The following GPHN variants were observed in gnomAD, a reference collection of about 807,000 sequenced individuals.
GPHN encodes the protein gephyrin.
GPHN carries 17 observed loss-of-function variants against 95.5 expected under a neutral mutation model. That is an observed-to-expected ratio of 0.18 (90% CI 0.12 to 0.27). The LOEUF (loss-of-function observed/expected upper bound fraction) is 0.27. Among genes scored for constraint, GPHN ranks in the 10% least tolerant of loss-of-function variants. GPHN has a pLI of 1.00. For synonymous variants in GPHN, 320 were observed against 322.5 expected (o/e 0.99, Z 0.08); for missense variants, 660 against 978.1 (o/e 0.67, Z 4.34).
intron 2 of GPHN, among the ~76,000 whole-genome samples, chr14:66,773,737 T>C (rs1439152474): frequency 1.3e-5 from 2 of 152,080 alleles, no homozygotes; most frequent in African/African-American, 4.8e-5. Context: ...TAAGAGTTCT[T>C]TTTTTTGTTT....
At chr14:67,375,105 A>G in the GPHN span, among the ~76,000 whole-genome samples, 1 of 152,132 alleles carries the variant, frequency 6.6e-6, no homozygotes, top group Non-Finnish European at 1.5e-5. Flanking sequence ...TATTTTTGCT[A>G]TTACTTCCTG....
chr14:67,181,303 T>G lies in GPHN; in HGVS notation c.*366T>G. ...CTTATGCTCTTAAATCAAGGCTGTC[T>G]GCTTATTTATACTAGCGTAGGCAAC... On this transcript the variant is annotated 3_prime_UTR_variant, in exon 23 of 23. Transcript: ENST00000478722. 2.3e-6 allele frequency: 1 copy of G among 434,366 alleles called. No individual in the cohort carries two copies. The highest frequency in any genetic ancestry group is 4.1e-5 in the East Asian group (1 of 24,270). 26.9% of individuals were successfully genotyped at this position (434,366 alleles called of 1,614,324 possible). A position where few individuals can be genotyped will look rare whatever the true frequency, so the allele number is the denominator to read the frequency against.
In GPHN at chr14:67,089,011, T is replaced by C. The variant is rs147709250; in HGVS notation, c.1173T>C (p.Asp391=). ...GAATGGGGCGAGTCCTTGCTCAAGA[T>C]GTATATGCAAAAGACAATTTACCCC... ...RDGMGRVLAQ[D]VYAKDNLPPF... The change falls in exon 12 of 23, where the codon GAT becomes GAC. Residue 391 remains aspartate (D), a synonymous_variant. Transcript: ENST00000478722. 4.7e-5 allele frequency: 76 copies of C among 1,601,898 alleles called. No homozygotes were observed. The highest frequency in any genetic ancestry group is 3.5e-4 in the African/African-American group (26 of 74,680).
the GPHN span, chr14:67,472,912 G>C: frequency 1.2e-5 from 2 of 165,228 alleles, no homozygotes; most frequent in Non-Finnish European, 2.7e-5. Flanking sequence ...CTGCCACGCA[G>C]CCTCCTGGCT....
At chr14:66,842,356 C>A (rs2062134717) in intron 4 of GPHN, among the ~76,000 whole-genome samples, 1 of 151,676 alleles carries the variant, frequency 6.6e-6, no homozygotes, top group Admixed American at 6.6e-5. Context: ...GAATTAGAAA[C>A]CCGACCTACA....
intron 9 of GPHN, among the ~76,000 whole-genome samples, chr14:67,008,497 T>C (rs1041408257): frequency 3.3e-5 from 5 of 151,560 alleles, no homozygotes; most frequent in African/African-American, 1.2e-4. Context: ...ATGATGTGGG[T>C]CAAAATACCT....
chr14:67,027,968 T>G (rs2074008983), intron 10 of GPHN, among the ~76,000 whole-genome samples: 1 of 152,208 alleles, frequency 6.6e-6, no homozygotes. Flanking sequence ...TATCAAATAT[T>G]AGAACTTATT....
At chr14:66,687,457 A>G (rs2067451652) in intron 2 of GPHN, among the ~76,000 whole-genome samples, 1 of 147,552 alleles carries the variant, frequency 6.8e-6, no homozygotes, top group African/African-American at 2.5e-5. Flanking sequence ...CATTTTTACA[A>G]TATTACTTCT....
chr14:67,690,315 G>A, the GPHN span: 1 of 1,614,066 alleles, frequency 6.2e-7, no homozygotes, highest in African/African-American at 1.3e-5. Flanking sequence ...GCAGGTTATG[G>A]AAGTGGATCC....
the GPHN span, chr14:67,651,215 T>G: frequency 7.5e-7 from 1 of 1,339,644 alleles, no homozygotes; most frequent in Non-Finnish European, 1.0e-6. Flanking sequence ...CTGTTGTTCC[T>G]TCACATTTAA....
At chr14:67,639,176 T>C in the GPHN span, among the ~76,000 whole-genome samples, 1 of 152,256 alleles carries the variant, frequency 6.6e-6, no homozygotes, top group East Asian at 1.9e-4. Flanking sequence ...GGTTCCTTTT[T>C]AGGCTTTGTG....
intron 1 of GPHN, among the ~76,000 whole-genome samples, chr14:66,571,950 A>G (rs2060711291): frequency 6.6e-6 from 1 of 152,220 alleles, no homozygotes; most frequent in African/African-American, 2.4e-5. Flanking sequence ...TGATTTGTAT[A>G]TGACGTGAGA....
the GPHN span, chr14:67,674,289 C>A: frequency 1.6e-5 from 21 of 1,281,494 alleles, no homozygotes; most frequent in South Asian, 3.2e-4. Context: ...GAGACGCGGG[C>A]CCGGGTCTGG....
the GPHN span, chr14:67,570,324 T>C: frequency 9.2e-7 from 1 of 1,082,000 alleles, no homozygotes; most frequent in Non-Finnish European, 1.1e-6. Flanking sequence ...TGGGGCTCCT[T>C]CTAGAATTAC....
the GPHN span, chr14:67,600,254 G>A: frequency 6.5e-5 from 94 of 1,443,640 alleles, no homozygotes; most frequent in Admixed American, 9.2e-4. Context: ...TGCGCTCGCC[G>A]GCCCTGGCCG....
At chr14:66,725,722 C>A (rs1369591095) in intron 2 of GPHN, among the ~76,000 whole-genome samples, 1 of 152,082 alleles carries the variant, frequency 6.6e-6, no homozygotes. Context: ...TTAGTTGCCC[C>A]CTTCCTATGA....
chr14:66,735,814 GACTAT>G (rs1274184628), intron 2 of GPHN, among the ~76,000 whole-genome samples: 1 of 152,078 alleles, frequency 6.6e-6, no homozygotes, highest in Non-Finnish European at 1.5e-5. Context: ...ATAAGTGGGA[GACTAT>G]ACTATAGAAG....
chr14:67,330,157 T>A, the GPHN span, among the ~76,000 whole-genome samples: 1,949 of 139,394 alleles, frequency 0.014, 24 homozygotes, highest in African/African-American at 0.029. Context: ...TAATAATAAT[T>A]ATTATTATTA....
chr14:66,604,752 G>T (rs1323185488), intron 1 of GPHN, among the ~76,000 whole-genome samples: 1 of 151,872 alleles, frequency 6.6e-6, no homozygotes, highest in Non-Finnish European at 1.5e-5. Flanking sequence ...TTGTTACATG[G>T]GTATATTGCA....
Sources: allele counts gnomAD v4.1 joint callset (sites outside exome capture counted in the v4.1 genomes callset), GRCh38; gene constraint gnomAD v4.1.1; transcripts MANE v1.5; gene names NCBI Gene and HGNC (gene_info 2026-07-23, HGNC 2026-07-21).